CELF2: variants seen among roughly 807,000 people sequenced by gnomAD.
The protein encoded by CELF2 is CUGBP Elav-like family member 2.
In CELF2, 8 loss-of-function variants were observed where a neutral mutation model predicts 62.6. The ratio of observed to expected loss-of-function variants is 0.13; its 90% CI spans 0.07 to 0.23. The LOEUF is 0.23. Ranked by LOEUF, CELF2 falls within the 10% of genes least tolerant of loss-of-function variation. The probability of loss-of-function intolerance (pLI) is 1.00; values close to 1 mark genes in which losing one functional copy is unlikely to be tolerated. For missense variants in CELF2, 333 were observed against 671.0 expected, an observed-to-expected ratio of 0.50 and a Z score of 5.56; for synonymous variants, 258 against 250.0, an observed-to-expected ratio of 1.03 and a Z score of -0.30.
chr10:11,269,205 G>T lies in CELF2; in HGVS notation c.619-1461G>T, dbSNP rs143896349. 0.017 allele frequency among the ~76,000 whole-genome samples: 2,546 copies of T among 152,186 alleles called. 28 individuals carry two copies. The highest frequency in any genetic ancestry group is 0.025 in the Non-Finnish European group (1,677 of 68,020). On this transcript the variant is annotated intron_variant, in intron 6 of 12. Coordinates refer to ENST00000633077, the MANE Select transcript of CELF2 (RefSeq NM_001326342.2). The surrounding 1 kb of genome is among the most constrained non-coding windows in gnomAD (Gnocchi z 4.4). ...CAGATACAGAAAAAAATGAATTACA[G>T]ATTTTTTTAAATGATGGAAATACTA...
chr10:10,637,399 A>G, the CELF2 span, among the ~76,000 whole-genome samples: 12 of 152,160 alleles, frequency 7.9e-5, no homozygotes, highest in Non-Finnish European at 1.6e-4. Flanking sequence ...GCTCTGCACT[A>G]TACTGTCTTC....
At chr10:10,681,015 T>C in the CELF2 span, among the ~76,000 whole-genome samples, 1 of 152,188 alleles carries the variant, frequency 6.6e-6, no homozygotes, top group Non-Finnish European at 1.5e-5. Flanking sequence ...TATACTTAAA[T>C]ATTTTGATTT....
chr10:11,187,404 A>G (rs944881046), intron 2 of CELF2, among the ~76,000 whole-genome samples: 34 of 152,206 alleles, frequency 2.2e-4, no homozygotes, highest in African/African-American at 7.9e-4. Context: ...CTTCACGTGT[A>G]TGTATCTGTC....
the CELF2 span, among the ~76,000 whole-genome samples, chr10:10,557,302 AT>A: frequency 6.6e-6 from 1 of 150,770 alleles, no homozygotes. Context: ...TCCTTTCCCC[AT>A]TGCTGGTTTT....
rs2096084340 is a variant in CELF2 at position 11,334,564 on chromosome 10, T to G, written c.*5511T>G. ...TTTATGTACAACCGCCCACTTGAAC[T>G]CCTGCTTCCAAGATTTATACACTTT... On this transcript the variant is annotated 3_prime_UTR_variant, in exon 13 of 13. Transcript: ENST00000633077. 6.6e-6 allele frequency: 1 copy of G among 152,476 alleles called. No individual in the cohort carries two copies. The highest frequency in any genetic ancestry group is 1.5e-5 in the Non-Finnish European group (1 of 68,030). 9.4% of individuals were successfully genotyped at this position (152,476 alleles called of 1,614,324 possible).
At chr10:10,692,331 T>C in the CELF2 span, among the ~76,000 whole-genome samples, 2 of 151,664 alleles carry the variant, frequency 1.3e-5, no homozygotes, top group Non-Finnish European at 2.9e-5. Context: ...ATATGTGGCA[T>C]TATTTCTGAG....
the CELF2 span, among the ~76,000 whole-genome samples, chr10:10,588,102 T>A: frequency 6.6e-6 from 1 of 151,910 alleles, no homozygotes; most frequent in Admixed American, 6.6e-5. Context: ...GAAGCATAAA[T>A]GTTTCCACCA....
the CELF2 span, among the ~76,000 whole-genome samples, chr10:10,672,514 T>C: frequency 6.6e-6 from 1 of 151,626 alleles, no homozygotes; most frequent in Non-Finnish European, 1.5e-5. Flanking sequence ...TAATTGCATA[T>C]GCATGTCTAG....
intron 1 of CELF2, among the ~76,000 whole-genome samples, chr10:10,890,313 G>T (rs1056668218): frequency 1.3e-5 from 2 of 152,146 alleles, no homozygotes; most frequent in Non-Finnish European, 2.9e-5. Context: ...GGACAGTAAA[G>T]TAGAAAGGAA....
chr10:11,257,047 G>A (rs1396886084), intron 4 of CELF2, among the ~76,000 whole-genome samples: 7 of 152,048 alleles, frequency 4.6e-5, no homozygotes, highest in Non-Finnish European at 1.0e-4. Flanking sequence ...TTCCTGTTGA[G>A]CGGTAACTAA....
chr10:10,919,959 T>C, intron 1 of CELF2: 1 of 1,231,482 alleles, frequency 8.1e-7, no homozygotes, highest in Non-Finnish European at 1.0e-6. Flanking sequence ...TTCTCCTTCC[T>C]GCAGAGAGAC....
At position 11,020,800 on chromosome 10, in the gene CELF2, A is replaced by G. The variant is rs570869411; in HGVS notation, c.74+2637A>G. ...ATTACGCTTGATAGCCCCACGAGCTATCCAGTGTTTAAAGAGCCCAGATCA... is the reference window on the plus strand; with the variant it reads ...ATTACGCTTGATAGCCCCACGAGCTGTCCAGTGTTTAAAGAGCCCAGATCA... On this transcript the variant is annotated intron_variant, in intron 1 of 12. Transcript: ENST00000633077. Among the ~76,000 whole-genome samples the G allele has an allele frequency of 8.5e-5, 13 of 152,368 alleles. No individual in the cohort carries two copies. The South Asian group carries it at 2.7e-3, about 32-fold the overall frequency.
chr10:10,787,243 C>T, the CELF2 span, among the ~76,000 whole-genome samples: 2 of 152,166 alleles, frequency 1.3e-5, no homozygotes, highest in Non-Finnish European at 2.9e-5. Flanking sequence ...CACACACACA[C>T]ACAAATTCTT....
intron 1 of CELF2, among the ~76,000 whole-genome samples, chr10:11,142,599 G>A (rs1342627256): frequency 6.6e-6 from 1 of 151,104 alleles, no homozygotes; most frequent in East Asian, 1.9e-4. Context: ...CAGGAGAATG[G>A]CGTGAACCCG....
chr10:10,959,456 G>A (rs2049252452), intron 2 of CELF2, among the ~76,000 whole-genome samples: 1 of 152,126 alleles, frequency 6.6e-6, no homozygotes, highest in South Asian at 2.1e-4. Flanking sequence ...TATTTACCCA[G>A]CATTTTAAAC....
chr10:10,508,113 C>A, the CELF2 span, among the ~76,000 whole-genome samples: 20 of 152,016 alleles, frequency 1.3e-4, no homozygotes, highest in African/African-American at 4.6e-4. Flanking sequence ...TCGTCTTGGA[C>A]TGGTTTATAC....
chr10:10,831,405 T>A (rs140280905), intron 1 of CELF2, among the ~76,000 whole-genome samples: 64 of 152,308 alleles, frequency 4.2e-4, no homozygotes, highest in African/African-American at 1.4e-3. Flanking sequence ...CACAGACTGT[T>A]GTGTGTCAAC....
the CELF2 span, among the ~76,000 whole-genome samples, chr10:10,531,908 C>A: frequency 6.6e-6 from 1 of 152,178 alleles, no homozygotes; most frequent in Non-Finnish European, 1.5e-5. Flanking sequence ...TGTCCTGGTG[C>A]TCCAGTCCCT....
chr10:11,178,940 C>T lies in CELF2; in HGVS notation c.271+13258C>T, dbSNP rs568370725. 5.3e-5 allele frequency among the ~76,000 whole-genome samples: 8 copies of T among 152,302 alleles called. No homozygotes were observed. The highest frequency in any genetic ancestry group is 1.4e-4 in the African/African-American group (6 of 41,556). ...TTAGAACACTTCAAAGTCAGGAAAC[C>T]GTTAAACCACACTGCATCCTCTCTT... On this transcript the variant is annotated intron_variant, in intron 2 of 12. Transcript: ENST00000633077. The surrounding 1 kb of genome is among the most constrained non-coding windows in gnomAD (Gnocchi z 4.3).
Sources: gnomAD v4.1 joint callset for allele counts (sites outside exome capture counted in the v4.1 genomes callset) on GRCh38, gnomAD v4.1.1 for gene constraint, Gnocchi (gnomAD v3.1) non-coding constraint, MANE v1.5 for transcripts, NCBI Gene and HGNC (gene_info 2026-07-23, HGNC 2026-07-21) for gene names.